GALNT13: variants seen among roughly 807,000 people sequenced by gnomAD.
The protein encoded by GALNT13 is polypeptide N-acetylgalactosaminyltransferase 13, also known as UDP-GalNAc:polypeptide N-acetylgalactosaminyltransferase 13.
GALNT13 carries 28 observed loss-of-function variants against 64.2 expected under a neutral mutation model. The ratio of observed to expected loss-of-function variants is 0.44; its 90% confidence interval spans 0.32 to 0.60. The LOEUF (loss-of-function observed/expected upper bound fraction) is 0.60, where lower values mean the gene tolerates loss of function less well. Among genes scored for constraint, GALNT13 ranks in the 20% least tolerant of loss-of-function variants. The pLI, the probability that GALNT13 is intolerant of heterozygous loss-of-function variation, is 0.05. For missense variants in GALNT13, 577 were observed against 669.8 expected, an observed-to-expected ratio of 0.86 and a Z score of 1.53; for synonymous variants, 214 against 224.6, an observed-to-expected ratio of 0.95 and a Z score of 0.42.
chr2:153,261,074 A>C, the GALNT13 span, among the ~76,000 whole-genome samples: 4 of 152,020 alleles, frequency 2.6e-5, no homozygotes, highest in Non-Finnish European at 4.4e-5. Flanking sequence ...TTTCTTTGTG[A>C]AATTTATCTG....
chr2:154,094,133 C>T (rs144034594), intron 3 of GALNT13, among the ~76,000 whole-genome samples: 1 of 151,966 alleles, frequency 6.6e-6, no homozygotes, highest in African/African-American at 2.4e-5. Context: ...TTTTCCCAGG[C>T]CGATTTCTTA....
At chr2:153,827,271 C>T in the GALNT13 span, among the ~76,000 whole-genome samples, 2 of 152,016 alleles carry the variant, frequency 1.3e-5, no homozygotes, top group African/African-American at 4.8e-5. Context: ...GATTCAATTA[C>T]ACCCCACTGG....
At chr2:154,252,599 G>A (rs1361857265) in intron 7 of GALNT13, among the ~76,000 whole-genome samples, 1 of 151,722 alleles carries the variant, frequency 6.6e-6, no homozygotes, top group Non-Finnish European at 1.5e-5. Flanking sequence ...CTCGTGATCC[G>A]CCTGCCTCAG....
chr2:153,179,440 T>A, the GALNT13 span, among the ~76,000 whole-genome samples: 3 of 152,210 alleles, frequency 2.0e-5, no homozygotes, highest in South Asian at 6.2e-4. Flanking sequence ...TACCATGCTA[T>A]TTAAATTACT....
chr2:154,107,018 TTTTTG>T (rs554220808), intron 3 of GALNT13, among the ~76,000 whole-genome samples: 3 of 152,092 alleles, frequency 2.0e-5, no homozygotes, highest in South Asian at 2.1e-4. Flanking sequence ...CAGCTGGTTT[TTTTTG>T]TTTTGTTTTG....
chr2:154,358,724 A>G (rs969541797), intron 9 of GALNT13, among the ~76,000 whole-genome samples: 3 of 152,040 alleles, frequency 2.0e-5, no homozygotes, highest in African/African-American at 7.2e-5. Context: ...ATGATCTTTG[A>G]GCACATTTTC....
chr2:153,709,195 A>ATAG, the GALNT13 span, among the ~76,000 whole-genome samples: 2 of 152,096 alleles, frequency 1.3e-5, no homozygotes, highest in African/African-American at 4.8e-5. Flanking sequence ...GAAACAATTT[A>ATAG]CAAATTGGGA....
At chr2:153,431,151 A>AG in the GALNT13 span, among the ~76,000 whole-genome samples, 11,089 of 151,756 alleles carry the variant, frequency 0.073, 480 homozygotes, top group South Asian at 0.15. Flanking sequence ...CTCTGTCAAA[A>AG]AAAAAAAAAA....
chr2:154,097,659 T>C (rs557612521), intron 3 of GALNT13, among the ~76,000 whole-genome samples: 2 of 151,182 alleles, frequency 1.3e-5, no homozygotes, highest in East Asian at 4.0e-4. Context: ...CATTAGACTC[T>C]GAAAGCTCCT....
chr2:153,574,412 T>C, the GALNT13 span, among the ~76,000 whole-genome samples: 86 of 152,264 alleles, frequency 5.6e-4, no homozygotes, highest in African/African-American at 1.9e-3. Flanking sequence ...GAGTTCTCTG[T>C]TATTCCTTTG....
chr2:153,841,433 T>G, the GALNT13 span, among the ~76,000 whole-genome samples: 1 of 152,194 alleles, frequency 6.6e-6, no homozygotes, highest in Non-Finnish European at 1.5e-5. Flanking sequence ...CTAAGCACTT[T>G]GGGTAAAGTT....
intron 9 of GALNT13, among the ~76,000 whole-genome samples, chr2:154,303,259 G>A (rs1257843032): frequency 6.6e-6 from 1 of 151,978 alleles, no homozygotes; most frequent in Non-Finnish European, 1.5e-5. Context: ...GGATGCGCGC[G>A]ATTTTATAGG....
At chr2:153,277,437 T>C in the GALNT13 span, among the ~76,000 whole-genome samples, 128 of 152,378 alleles carry the variant, frequency 8.4e-4, no homozygotes, top group African/African-American at 2.9e-3. Context: ...TATGACATTT[T>C]ATTTACCCAG....
intron 9 of GALNT13, among the ~76,000 whole-genome samples, chr2:154,306,227 G>A (rs1267378047): frequency 1.3e-5 from 2 of 151,902 alleles, no homozygotes; most frequent in African/African-American, 2.4e-5. Context: ...AGGTATACAC[G>A]TGCCATGGTG....
the GALNT13 span, among the ~76,000 whole-genome samples, chr2:153,705,850 A>C: frequency 1.3e-5 from 2 of 152,306 alleles, no homozygotes; most frequent in East Asian, 3.9e-4. Context: ...ATTGAGAACC[A>C]TATGCAGGTA....
At chr2:154,233,618 C>A (rs75576819) in intron 4 of GALNT13, among the ~76,000 whole-genome samples, 151 of 152,262 alleles carry the variant, frequency 9.9e-4, no homozygotes, top group Non-Finnish European at 1.6e-3. Context: ...CCATATAAAA[C>A]ACACAGCACA....
At chr2:153,621,234 T>A in the GALNT13 span, among the ~76,000 whole-genome samples, 3 of 152,186 alleles carry the variant, frequency 2.0e-5, no homozygotes, top group African/African-American at 7.2e-5. Context: ...TGGAACACTT[T>A]AAGTGTATTC....
At chr2:154,140,190 T>C (rs1266526186) in intron 3 of GALNT13, 147 bp from the exon 4 acceptor site, 3 of 569,618 alleles carry the variant, frequency 5.3e-6, no homozygotes, top group East Asian at 3.0e-5. Context: ...GAGTGTGTGG[T>C]TTATAATCAG....
the GALNT13 span, among the ~76,000 whole-genome samples, chr2:153,207,806 T>C: frequency 2.2e-4 from 33 of 152,270 alleles, 1 homozygote; most frequent in South Asian, 6.4e-3. Flanking sequence ...CTTTTATCTT[T>C]TGGTGTCTCA....
Sources: gnomAD v4.1 joint callset for allele counts (sites outside exome capture counted in the v4.1 genomes callset) on GRCh38, gnomAD v4.1.1 for gene constraint, MANE v1.5 for transcripts, NCBI Gene and HGNC (gene_info 2026-07-23, HGNC 2026-07-21) for gene names.